The following COLEC12 variants were observed in gnomAD, a reference collection of about 807,000 sequenced individuals.
COLEC12 encodes collectin-12.
COLEC12 carries 33 observed loss-of-function variants against 71.1 expected under a neutral mutation model. That is an observed-to-expected ratio of 0.46 (90% confidence interval 0.35 to 0.62). The LOEUF is 0.62. COLEC12 is among the 20% of genes least tolerant of loss of function. The pLI, the probability that COLEC12 is intolerant of heterozygous loss-of-function variation, is 0.00. For missense variants in COLEC12, 765 were observed against 916.1 expected (o/e 0.84, Z 2.13); for synonymous variants, 350 against 353.0 (o/e 0.99, Z 0.10).
chr18:326,899 A>G (rs1376282668), intron 8 of COLEC12, among the ~76,000 whole-genome samples: 1 of 152,166 alleles, frequency 6.6e-6, no homozygotes, highest in Non-Finnish European at 1.5e-5. Context: ...CTGTATCCAC[A>G]GTTAGGGTTG....
In COLEC12 at chr18:444,010, G is replaced by A. The variant is rs568007804; in HGVS notation, c.58+36697C>T. ...GCTCCCTGAGGCCTCTCCAGGAGCCGAGTGTTGTCGGTGCCATGCTTCCTG... is the reference window on the plus strand; with the variant it reads ...GCTCCCTGAGGCCTCTCCAGGAGCCAAGTGTTGTCGGTGCCATGCTTCCTG... On this transcript the variant is annotated intron_variant, in intron 2 of 9. Transcript: ENST00000400256. 1.4e-4 allele frequency among the ~76,000 whole-genome samples: 22 copies of A among 152,206 alleles called. No individual in the cohort carries two copies. In the South Asian group the frequency reaches 2.9e-3, roughly 20 times the overall value.
At chr18:375,299 G>C (rs1915089035) in intron 2 of COLEC12, among the ~76,000 whole-genome samples, 1 of 152,196 alleles carries the variant, frequency 6.6e-6, no homozygotes, top group Non-Finnish European at 1.5e-5. Context: ...CACCAGGCCT[G>C]CCACCACAAG....
chr18:380,539 T>C (rs892269823), intron 2 of COLEC12, among the ~76,000 whole-genome samples: 1 of 152,170 alleles, frequency 6.6e-6, no homozygotes, highest in African/African-American at 2.4e-5. Flanking sequence ...TTTGTGTCGA[T>C]GATTAATGCA....
chr18:456,578 C>A (rs1916876353), intron 2 of COLEC12, among the ~76,000 whole-genome samples: 1 of 152,232 alleles, frequency 6.6e-6, no homozygotes, highest in South Asian at 2.1e-4. Context: ...CCTTCCCACA[C>A]CTCCGCTTAG....
At chr18:442,000 TCTACACACAC>T (rs66715518) in intron 2 of COLEC12, among the ~76,000 whole-genome samples, 3,581 of 116,736 alleles carry the variant, frequency 0.031, 67 homozygotes, top group Middle Eastern at 0.068. Flanking sequence ...ACTCTCTCTC[TCTACACACAC>T]ACACACACAC....
At position 480,807 on chromosome 18, in the gene COLEC12, G is replaced by T; in HGVS notation, c.8-50C>A. The T allele has an allele frequency of 6.6e-7, 1 of 1,523,376 alleles. No homozygotes were observed. Among genetic ancestry groups the T allele is most frequent in the Non-Finnish European group, 9.1e-7 (1 of 1,097,268 alleles). The allele number at this position is 1,523,376 out of a possible 1,614,324, so 94.4% of individuals were successfully genotyped here. On this transcript the variant is annotated intron_variant, in intron 1 of 9. Coordinates refer to ENST00000400256, the MANE Select transcript of COLEC12 (RefSeq NM_130386.3). This position sits in a 1 kb window ranked among gnomAD's most constrained non-coding sequence, Gnocchi z 4.1. ...GTTAATCCTGGCAAGGGGCACAGAAGCAGAGGGTGGGGCAGGATGCGACCT... is the reference window on the plus strand; with the variant it reads ...GTTAATCCTGGCAAGGGGCACAGAATCAGAGGGTGGGGCAGGATGCGACCT...
At chr18:342,712 T>G (rs1914283161) in intron 5 of COLEC12, among the ~76,000 whole-genome samples, 1 of 152,182 alleles carries the variant, frequency 6.6e-6, no homozygotes, top group Admixed American at 6.5e-5. Context: ...TGGGCATTGC[T>G]GGTCTGGAGG....
Position 334,945 on chromosome 18 carries a change from G to C in COLEC12, c.1613C>G (p.Pro538Arg). 1 of 1,572,266 alleles carries C rather than the reference G, an allele frequency of 6.4e-7. No individual in the cohort carries two copies. The highest frequency in any genetic ancestry group is 2.1e-5 in the Admixed American group (1 of 48,146). Residue 538 changes from proline to arginine, a missense_variant, in exon 6 of 10, where the codon CCC (proline) becomes CGC (arginine). Transcript: ENST00000400256. Reference protein sequence around the residue: ...PPGPPGKEGLPGPQGPPGFQG... With the variant: ...PPGPPGKEGLRGPQGPPGFQG... Reference sequence around the variant, plus strand: ...GAAGCCAGGAGGGCCCTGAGGGCCGGGGAGTCCCTCTTTGCCTGGTGGGCC... The same window carrying C: ...GAAGCCAGGAGGGCCCTGAGGGCCGCGGAGTCCCTCTTTGCCTGGTGGGCC...
intron 5 of COLEC12, among the ~76,000 whole-genome samples, chr18:336,170 A>G (rs1914114755): frequency 6.6e-6 from 1 of 152,146 alleles, no homozygotes; most frequent in South Asian, 2.1e-4. Flanking sequence ...GTTGTACCCC[A>G]GCTGGCATGC....
intron 2 of COLEC12, among the ~76,000 whole-genome samples, chr18:373,308 G>A (rs1254178935): frequency 6.6e-6 from 1 of 152,162 alleles, no homozygotes; most frequent in Non-Finnish European, 1.5e-5. Flanking sequence ...CCGCTGGAAA[G>A]GGAACACCTT....
At chr18:479,514 A>T (rs1917369600) in intron 2 of COLEC12, among the ~76,000 whole-genome samples, 1 of 151,382 alleles carries the variant, frequency 6.6e-6, no homozygotes, top group Non-Finnish European at 1.5e-5. Flanking sequence ...AAGTAGATTC[A>T]TTCATTTTCA....
At chr18:428,134 T>C (rs1032123213) in intron 2 of COLEC12, among the ~76,000 whole-genome samples, 1 of 151,850 alleles carries the variant, frequency 6.6e-6, no homozygotes, top group Non-Finnish European at 1.5e-5. Flanking sequence ...CATGGTGGTA[T>C]GTGCCTGTAA....
chr18:453,006 G>A (rs2143717204), intron 2 of COLEC12, among the ~76,000 whole-genome samples: 1 of 152,308 alleles, frequency 6.6e-6, no homozygotes, highest in African/African-American at 2.4e-5. Flanking sequence ...AAACCAGCAG[G>A]AAACCAGAGT....
At chr18:403,299 CA>C (rs1394194220) in intron 2 of COLEC12, among the ~76,000 whole-genome samples, 1 of 152,080 alleles carries the variant, frequency 6.6e-6, no homozygotes, top group Admixed American at 6.5e-5. Flanking sequence ...TTGTTGTCTT[CA>C]AAGTCTCTGG....
chr18:331,756 C>T lies in COLEC12; in HGVS notation c.1975G>A (p.Val659Ile). ...EEQQWIKKQM[V>I]GRESHWIGLT... ...CCGATCCAGTGGCTCTCTCTCCCTA[C>T]CATCTGTTTTTTTATCCATTGCTGA... Residue 659 changes from valine to isoleucine, a missense_variant, in exon 8 of 10, where the codon GTA becomes ATA. By Grantham distance (29) the Val-to-Ile change is conservative. Coordinates refer to ENST00000400256, the MANE Select transcript of COLEC12 (RefSeq NM_130386.3). 1 of 1,613,630 alleles carries T rather than the reference C, an allele frequency of 6.2e-7. No individual in the cohort carries two copies. The highest frequency in any genetic ancestry group is 8.5e-7 in the Non-Finnish European group (1 of 1,179,498).
intron 1 of COLEC12, among the ~76,000 whole-genome samples, chr18:499,644 T>C (rs114650554): frequency 0.013 from 2,039 of 152,314 alleles, 39 homozygotes; most frequent in African/African-American, 0.046. Context: ...CGCGGGCCCA[T>C]TCCTGAACGA....
At position 319,982 on chromosome 18, in the gene COLEC12, AGAAAG is replaced by A; in HGVS notation, c.*58_*62del. On this transcript the variant is annotated 3_prime_UTR_variant, in exon 10 of 10. Transcript: ENST00000400256. ...AATCTGATGAGAAGGTGATGCAATTAGAAAGGAGTGTCCTTTGCCTTTGAGAGCTG... is the reference window on the plus strand; with the variant it reads ...AATCTGATGAGAAGGTGATGCAATTAGAGTGTCCTTTGCCTTTGAGAGCTG... 1.0e-6 allele frequency: 1 copy of A among 960,910 alleles called. No individual in the cohort carries two copies. The highest frequency in any genetic ancestry group is 1.6e-6 in the Non-Finnish European group (1 of 620,434). The allele number at this position is 960,910 out of a possible 1,614,324, so 59.5% of individuals were successfully genotyped here.
intron 1 of COLEC12, among the ~76,000 whole-genome samples, chr18:495,372 A>T (rs1274762258): frequency 6.6e-6 from 1 of 152,232 alleles, no homozygotes; most frequent in East Asian, 1.9e-4. Context: ...CGGTGGTTAC[A>T]GTCTGTTCAT....
chr18:363,922 A>G (rs1415391606), intron 2 of COLEC12, among the ~76,000 whole-genome samples: 2 of 152,232 alleles, frequency 1.3e-5, no homozygotes, highest in Non-Finnish European at 2.9e-5. Flanking sequence ...TGAAAACGGA[A>G]GCAGGACAAG....
Sources: allele counts gnomAD v4.1 joint callset (sites outside exome capture counted in the v4.1 genomes callset), GRCh38; gene constraint gnomAD v4.1.1; non-coding constraint Gnocchi (gnomAD v3.1); transcripts MANE v1.5; gene names NCBI Gene and HGNC (gene_info 2026-07-23, HGNC 2026-07-21).